Variants in ATXN1 observed in about 807,000 individuals in gnomAD.
ATXN1 encodes the protein ataxin-1.
In ATXN1, 8 loss-of-function variants were observed where a neutral mutation model predicts 56.4. The observed-to-expected ratio is 0.14, with a 90% CI of 0.08 to 0.26. The LOEUF (loss-of-function observed/expected upper bound fraction) is 0.26. Among genes scored for constraint, ATXN1 ranks in the 10% least tolerant of loss-of-function variants. The pLI is 1.00. For missense variants in ATXN1, 987 were observed against 1,106.5 expected (o/e 0.89, Z 1.53); for synonymous variants, 514 against 494.6 (o/e 1.04, Z -0.52).
At chr6:16,485,448 G>A (rs1225804178) in intron 6 of ATXN1, 1 of 152,162 alleles carries the variant, frequency 6.6e-6, no homozygotes, top group Admixed American at 6.5e-5. Context: ...TTTTAAGTAA[G>A]GGAAGCACCA....
At chr6:16,406,149 T>G (rs998611527) in intron 6 of ATXN1, among the ~76,000 whole-genome samples, 3 of 152,132 alleles carry the variant, frequency 2.0e-5, no homozygotes, top group African/African-American at 7.2e-5. Flanking sequence ...TTTCTCTCTC[T>G]TTTTTCTCCC....
chr6:16,677,190 T>G (rs1758703876), intron 2 of ATXN1, among the ~76,000 whole-genome samples: 1 of 152,110 alleles, frequency 6.6e-6, no homozygotes, highest in Non-Finnish European at 1.5e-5. Flanking sequence ...AAGGGGAATG[T>G]GGGTGAGCGC....
At chr6:16,511,477 A>G (rs954668872) in intron 5 of ATXN1, among the ~76,000 whole-genome samples, 2 of 152,330 alleles carry the variant, frequency 1.3e-5, no homozygotes, top group Middle Eastern at 3.4e-3. Flanking sequence ...GAGCCATGCT[A>G]GCTCCAGGAC....
At chr6:16,720,385 G>C (rs1224008963) in intron 2 of ATXN1, among the ~76,000 whole-genome samples, 1 of 152,142 alleles carries the variant, frequency 6.6e-6, no homozygotes, top group East Asian at 1.9e-4. Context: ...GCTCTCTGAG[G>C]GCAGGGACTT....
chr6:16,475,728 AAAT>A (rs1386045436), intron 6 of ATXN1, among the ~76,000 whole-genome samples: 4 of 152,272 alleles, frequency 2.6e-5, no homozygotes, highest in Admixed American at 2.0e-4. Context: ...GAAGATAAGG[AAAT>A]AGAGGCACCC....
At chr6:16,728,549 T>C (rs1001210) in intron 2 of ATXN1, among the ~76,000 whole-genome samples, 28,825 of 152,174 alleles carry the variant, frequency 0.19, 3,676 homozygotes, top group East Asian at 0.75. Flanking sequence ...ATCACCCATA[T>C]GCCTGGTATT....
At position 16,604,160 on chromosome 6, in the gene ATXN1, A is replaced by T. The variant is rs370579785; in HGVS notation, c.-488-18253T>A. Among the ~76,000 whole-genome samples the T allele has an allele frequency of 6.2e-4, 94 of 152,152 alleles. No homozygotes were observed. In the South Asian group the frequency reaches 0.019, roughly 31 times the overall value. ...CATGGGAGAAAACGATGGAAAGCAGATGGAAATGCTTCTCAAGAACCTCTC... is the reference window on the plus strand; with the variant it reads ...CATGGGAGAAAACGATGGAAAGCAGTTGGAAATGCTTCTCAAGAACCTCTC... On this transcript the variant is annotated intron_variant, in intron 3 of 7. Transcript: ENST00000436367.
intron 2 of ATXN1, among the ~76,000 whole-genome samples, chr6:16,748,540 G>A (rs1353919178): frequency 6.6e-6 from 1 of 152,142 alleles, no homozygotes; most frequent in Non-Finnish European, 1.5e-5. Flanking sequence ...CCTGTGCAAT[G>A]GAGAAAATAA....
At chr6:16,590,595 AT>A (rs1296120511) in intron 3 of ATXN1, among the ~76,000 whole-genome samples, 2 of 152,082 alleles carry the variant, frequency 1.3e-5, no homozygotes, top group African/African-American at 2.4e-5. Context: ...AAAGCAAATC[AT>A]TTTTCTGATT....
Position 16,304,336 on chromosome 6 carries a change from C to T in ATXN1, c.*1993G>A, listed in dbSNP as rs896515384. 5 of 152,034 alleles carry T rather than the reference C, an allele frequency of 3.3e-5. No homozygotes were observed. The highest frequency in any genetic ancestry group is 4.8e-5 in the African/African-American group (2 of 41,252). 9.4% of individuals were successfully genotyped at this position (152,034 alleles called of 1,614,324 possible). On this transcript the variant is annotated 3_prime_UTR_variant, in exon 8 of 8. Transcript: ENST00000436367. ...AGCACTTTAAAGATGCATTCAAAAC[C>T]CACAAATGATATTTCGGATCTCTGG...
intron 2 of ATXN1, among the ~76,000 whole-genome samples, chr6:16,662,969 A>ATT (rs57242101): frequency 0.034 from 4,345 of 129,556 alleles, 105 homozygotes; most frequent in South Asian, 0.079. Context: ...TTCTGTTTGG[A>ATT]TTTTTTTTTT....
At chr6:16,363,357 T>C (rs187242966) in intron 6 of ATXN1, among the ~76,000 whole-genome samples, 5 of 152,378 alleles carry the variant, frequency 3.3e-5, no homozygotes, top group Admixed American at 3.3e-4. Flanking sequence ...GCTAATATCC[T>C]GTCTAGTAAT....
intron 3 of ATXN1, among the ~76,000 whole-genome samples, chr6:16,643,112 A>G (rs911345236): frequency 2.0e-5 from 3 of 152,132 alleles, no homozygotes; most frequent in African/African-American, 7.2e-5. Context: ...TCTACTAAAA[A>G]TACAAAAATT....
intron 6 of ATXN1, among the ~76,000 whole-genome samples, chr6:16,447,152 A>G (rs901882658): frequency 6.6e-6 from 1 of 152,264 alleles, no homozygotes; most frequent in Non-Finnish European, 1.5e-5. Flanking sequence ...AATATAGTGT[A>G]CCGGGATGAC....
intron 4 of ATXN1, among the ~76,000 whole-genome samples, chr6:16,533,888 T>C (rs1761549329): frequency 6.6e-6 from 1 of 152,160 alleles, no homozygotes; most frequent in Non-Finnish European, 1.5e-5. Flanking sequence ...ATAGCACTAT[T>C]CCCTGGATTA....
intron 3 of ATXN1, among the ~76,000 whole-genome samples, chr6:16,598,726 C>A (rs1245023247): frequency 5.9e-5 from 9 of 152,100 alleles, no homozygotes; most frequent in African/African-American, 1.9e-4. Context: ...GTGGGGGTGG[C>A]AGGAGAAAAG....
intron 6 of ATXN1, among the ~76,000 whole-genome samples, chr6:16,344,688 G>A (rs1237497755): frequency 6.6e-6 from 1 of 152,212 alleles, no homozygotes; most frequent in Non-Finnish European, 1.5e-5. Flanking sequence ...GAGGTCTTGG[G>A]ACTCAGACTG....
intron 1 of ATXN1, among the ~76,000 whole-genome samples, chr6:16,753,762 A>G (rs1010197318): frequency 9.2e-5 from 14 of 152,256 alleles, no homozygotes; most frequent in African/African-American, 3.4e-4. Flanking sequence ...TATATTATCT[A>G]TCAACATGCA....
At chr6:16,660,615 ATAAT>A in intron 2 of ATXN1, among the ~76,000 whole-genome samples, 1 of 152,330 alleles carries the variant, frequency 6.6e-6, no homozygotes, top group East Asian at 1.9e-4. Context: ...AATGTTTGCC[ATAAT>A]TAATTCTCAA....
Sources: gnomAD v4.1 joint callset for allele counts (sites outside exome capture counted in the v4.1 genomes callset) on GRCh38, gnomAD v4.1.1 for gene constraint, MANE v1.5 for transcripts, NCBI Gene and HGNC (gene_info 2026-07-23, HGNC 2026-07-21) for gene names.